Variants in GLB1 observed in about 807,000 individuals in gnomAD.
GLB1 encodes galactosidase beta 1.
A neutral mutation model predicts 74.0 loss-of-function variants in GLB1; 56 were observed. The observed-to-expected ratio is 0.76, with a 90% CI of 0.61 to 0.94. The LOEUF (loss-of-function observed/expected upper bound fraction) is 0.94, where lower values mean the gene tolerates loss of function less well. Ranked by LOEUF, GLB1 falls within the 40% of genes least tolerant of loss-of-function variation. The pLI, the probability that GLB1 is intolerant of heterozygous loss-of-function variation, is 0.00. For synonymous variants in GLB1, 323 were observed against 323.6 expected (o/e 1.00, Z 0.02); for missense variants, 787 against 845.5 (o/e 0.93, Z 0.86).
the GLB1 span, among the ~76,000 whole-genome samples, chr3:32,978,299 A>G: frequency 6.6e-6 from 1 of 152,228 alleles, no homozygotes; most frequent in African/African-American, 2.4e-5. Flanking sequence ...TGAAGATAAA[A>G]GAGTTAGGAG....
At chr3:33,058,442 C>T (rs915828535) in intron 5 of GLB1, among the ~76,000 whole-genome samples, 173 bp from the exon 6 acceptor site, 2 of 152,052 alleles carry the variant, frequency 1.3e-5, no homozygotes, top group African/African-American at 2.4e-5. Flanking sequence ...AAAACACCAA[C>T]AATTCACCAT....
intron 5 of GLB1, among the ~76,000 whole-genome samples, chr3:33,059,045 C>T (rs1559405157): frequency 6.6e-6 from 1 of 152,298 alleles, no homozygotes; most frequent in East Asian, 1.9e-4. Flanking sequence ...TGGGTAGAGG[C>T]CCAGGGATGC....
rs150233282 is a variant in GLB1 at position 33,094,995 on chromosome 3, G to A, written c.75+2016C>T. Among the ~76,000 whole-genome samples the A allele has an allele frequency of 7.0e-3, 1,068 of 152,270 alleles. 18 individuals are homozygous for A. The highest frequency in any genetic ancestry group is 0.024 in the African/African-American group (1,008 of 41,542). ...GGAGGCCGAGGCAGGCAGATTACCT[G>A]AGGTCAGGAGTTCAAGACCAGCCTG... On this transcript the variant is annotated intron_variant, in intron 1 of 15. Transcript: ENST00000307363.
intron 1 of GLB1, among the ~76,000 whole-genome samples, chr3:33,074,369 G>GAAAGAAAGA (rs1559412870): frequency 0.021 from 137 of 6,540 alleles, 13 homozygotes; most frequent in African/African-American, 0.03. Context: ...AGGAAGGAAG[G>GAAAGAAAGA]AAGGAAGGAA....
chr3:33,096,575 C>A (rs1051948167), intron 1 of GLB1: 16 of 1,029,840 alleles, frequency 1.6e-5, no homozygotes, highest in Non-Finnish European at 1.9e-5. Flanking sequence ...CCTCTCCTGA[C>A]CCCATTTTTC....
chr3:33,030,697 A>T (rs1697967490), intron 10 of GLB1: 23 of 985,362 alleles, frequency 2.3e-5, no homozygotes, highest in Non-Finnish European at 2.8e-5. Flanking sequence ...CCCAGTTACT[A>T]CCTTTGGGAA....
At chr3:32,983,072 T>G in the GLB1 span, among the ~76,000 whole-genome samples, 1 of 152,234 alleles carries the variant, frequency 6.6e-6, no homozygotes, top group African/African-American at 2.4e-5. Flanking sequence ...TACTTTGACA[T>G]GTCTAGGTGT....
At chr3:33,057,547 G>A (rs925987316) in intron 6 of GLB1, among the ~76,000 whole-genome samples, 1 of 152,160 alleles carries the variant, frequency 6.6e-6, no homozygotes, top group African/African-American at 2.4e-5. Flanking sequence ...ATCTGGCATA[G>A]CCTTTGTAGC....
intron 15 of GLB1, among the ~76,000 whole-genome samples, chr3:33,008,587 G>A (rs1696880122): frequency 6.6e-6 from 1 of 152,164 alleles, no homozygotes; most frequent in Non-Finnish European, 1.5e-5. Context: ...AGGCCAGTGG[G>A]GGAAAGGAGC....
chr3:33,061,235 A>G (rs1033768386), intron 5 of GLB1, among the ~76,000 whole-genome samples: 7 of 152,054 alleles, frequency 4.6e-5, no homozygotes, highest in African/African-American at 1.7e-4. Flanking sequence ...ACATGGTGAA[A>G]CCCCATCTCT....
the GLB1 span, among the ~76,000 whole-genome samples, chr3:32,976,986 G>A: frequency 8.1e-4 from 124 of 152,228 alleles, no homozygotes; most frequent in African/African-American, 2.8e-3. Context: ...ACACATTAAA[G>A]AGGCCTGATG....
intron 15 of GLB1, among the ~76,000 whole-genome samples, chr3:33,000,538 T>C (rs1296266980): frequency 1.3e-5 from 2 of 151,920 alleles, no homozygotes; most frequent in Non-Finnish European, 2.9e-5. Flanking sequence ...ACCAGCCTGG[T>C]CAATATGGTG....
chr3:33,048,444 G>C (rs1698832191), intron 9 of GLB1, among the ~76,000 whole-genome samples: 1 of 152,194 alleles, frequency 6.6e-6, no homozygotes, highest in African/African-American at 2.4e-5. Flanking sequence ...CATTGTGTGA[G>C]AAGTACAGGA....
At chr3:33,092,156 T>C (rs1257380926) in intron 1 of GLB1, 3 of 985,576 alleles carry the variant, frequency 3.0e-6, no homozygotes, top group Non-Finnish European at 3.6e-6. Flanking sequence ...CCCACCGTTC[T>C]TCTCCCCTGA....
chr3:33,034,776 C>A, intron 10 of GLB1: 2 of 644,414 alleles, frequency 3.1e-6, no homozygotes, highest in Non-Finnish European at 3.0e-6. Context: ...TCTGTGTCAG[C>A]TTCAGTCATA....
intron 1 of GLB1, among the ~76,000 whole-genome samples, chr3:33,090,027 T>C (rs760944611): frequency 1.3e-5 from 2 of 152,212 alleles, no homozygotes; most frequent in Non-Finnish European, 2.9e-5. Flanking sequence ...TCTGTACTCA[T>C]TTGTGACAGA....
At chr3:33,074,392 G>GGAAGAAAGAA (rs1700028671) in intron 1 of GLB1, among the ~76,000 whole-genome samples, 1 of 119,218 alleles carries the variant, frequency 8.4e-6, no homozygotes, top group African/African-American at 2.7e-5. Flanking sequence ...AAGGAAGGAA[G>GGAAGAAAGAA]AAAGAAAGAA....
chr3:33,025,265 C>A (rs1290507637), intron 10 of GLB1, among the ~76,000 whole-genome samples: 3 of 152,206 alleles, frequency 2.0e-5, no homozygotes, highest in Non-Finnish European at 4.4e-5. Flanking sequence ...TTTTTTTAAA[C>A]TACTTTTATT....
At chr3:33,011,410 G>C (rs770052857) in intron 15 of GLB1, among the ~76,000 whole-genome samples, 1 of 150,900 alleles carries the variant, frequency 6.6e-6, no homozygotes, top group Non-Finnish European at 1.5e-5. Flanking sequence ...TCCGAGATCA[G>C]CCTGGCCAAC....
Sources: gnomAD v4.1 joint callset for allele counts (sites outside exome capture counted in the v4.1 genomes callset) on GRCh38, gnomAD v4.1.1 for gene constraint, MANE v1.5 for transcripts, NCBI Gene and HGNC (gene_info 2026-07-23, HGNC 2026-07-21) for gene names.